The following LRRTM4 variants were observed in gnomAD, a reference collection of about 807,000 sequenced individuals.
LRRTM4 encodes the protein leucine rich repeat transmembrane neuronal 4, also known as leucine-rich repeat transmembrane neuronal protein 4.
Under a neutral mutation model 47.6 loss-of-function variants are expected in LRRTM4, and 25 were observed. That is an observed-to-expected ratio of 0.53 (90% CI 0.38 to 0.73). The LOEUF (loss-of-function observed/expected upper bound fraction) is 0.73, where lower values mean the gene tolerates loss of function less well. LRRTM4 is among the 30% of genes least tolerant of loss of function. The pLI is 0.00. For missense variants in LRRTM4, 638 were observed against 713.4 expected, an observed-to-expected ratio of 0.89 and a Z score of 1.20; for synonymous variants, 311 against 269.5, an observed-to-expected ratio of 1.15 and a Z score of -1.51.
intron 3 of LRRTM4, among the ~76,000 whole-genome samples, chr2:77,433,164 C>T (rs1675453177): frequency 6.6e-6 from 1 of 152,158 alleles, no homozygotes; most frequent in African/African-American, 2.4e-5. Context: ...TAAAACTATA[C>T]ATGCTTTTGT....
chr2:77,133,675 T>C (rs906931847), intron 3 of LRRTM4, among the ~76,000 whole-genome samples: 1 of 152,190 alleles, frequency 6.6e-6, no homozygotes, highest in Non-Finnish European at 1.5e-5. Flanking sequence ...ATGAAATAAA[T>C]AACTTATCTG....
intron 3 of LRRTM4, among the ~76,000 whole-genome samples, chr2:76,755,636 G>C (rs1322435460): frequency 6.6e-6 from 1 of 152,082 alleles, no homozygotes; most frequent in Admixed American, 6.6e-5. Flanking sequence ...GGTGTATCCA[G>C]GGCTGGTAAA....
At chr2:77,278,141 T>C (rs1259678084) in intron 3 of LRRTM4, among the ~76,000 whole-genome samples, 1 of 151,964 alleles carries the variant, frequency 6.6e-6, no homozygotes, top group African/African-American at 2.4e-5. Flanking sequence ...GGTTCAAAGC[T>C]GGGTTCTCCT....
intron 3 of LRRTM4, among the ~76,000 whole-genome samples, chr2:77,075,549 T>C (rs1045961651): frequency 6.6e-6 from 1 of 152,088 alleles, no homozygotes; most frequent in African/African-American, 2.4e-5. Context: ...GGTCTACATT[T>C]TTCTCTCATA....
At chr2:77,088,571 C>G (rs1216615268) in intron 3 of LRRTM4, among the ~76,000 whole-genome samples, 1 of 152,150 alleles carries the variant, frequency 6.6e-6, no homozygotes, top group Admixed American at 6.5e-5. Flanking sequence ...TCTCCATTCG[C>G]TGACTCTCTT....
At chr2:76,760,498 G>A (rs1246331016) in intron 3 of LRRTM4, among the ~76,000 whole-genome samples, 2 of 152,048 alleles carry the variant, frequency 1.3e-5, no homozygotes, top group Non-Finnish European at 2.9e-5. Flanking sequence ...ATAGACTGCT[G>A]GTACGTGTAG....
chr2:76,993,937 G>A (rs1300833952), intron 3 of LRRTM4, among the ~76,000 whole-genome samples: 2 of 151,818 alleles, frequency 1.3e-5, no homozygotes, highest in Non-Finnish European at 2.9e-5. Context: ...AACATAAAAT[G>A]AAAACATATT....
At chr2:77,011,185 T>G (rs1470551458) in intron 3 of LRRTM4, among the ~76,000 whole-genome samples, 1 of 152,132 alleles carries the variant, frequency 6.6e-6, no homozygotes, top group East Asian at 1.9e-4. Flanking sequence ...TTTAACACAG[T>G]TTAGCCCAAT....
At chr2:77,399,948 G>C (rs1673875499) in intron 3 of LRRTM4, among the ~76,000 whole-genome samples, 1 of 151,848 alleles carries the variant, frequency 6.6e-6, no homozygotes, top group Non-Finnish European at 1.5e-5. Flanking sequence ...CAGAAAATTT[G>C]TGTAAGGCAC....
intron 3 of LRRTM4, among the ~76,000 whole-genome samples, chr2:77,210,064 C>T (rs1674248899): frequency 6.6e-6 from 1 of 152,140 alleles, no homozygotes; most frequent in Non-Finnish European, 1.5e-5. Flanking sequence ...ATTACAATTA[C>T]AATTATACCA....
chr2:77,083,548 A>T (rs1474610263), intron 3 of LRRTM4, among the ~76,000 whole-genome samples: 1 of 152,110 alleles, frequency 6.6e-6, no homozygotes, highest in Non-Finnish European at 1.5e-5. Context: ...CTAGTCCTGA[A>T]AATATTAGAC....
chr2:76,757,679 G>GTACT (rs1673093752), intron 3 of LRRTM4, among the ~76,000 whole-genome samples: 1 of 152,052 alleles, frequency 6.6e-6, no homozygotes, highest in Admixed American at 6.6e-5. Context: ...TGCCTCCAAA[G>GTACT]TACTTACTAC....
rs527975827 is a variant in LRRTM4 at position 76,837,327 on chromosome 2, C to G, written c.1552-88411G>C. Among the ~76,000 whole-genome samples the G allele has an allele frequency of 2.3e-3, 343 of 152,156 alleles. 3 individuals are homozygous for G. Among genetic ancestry groups the G allele is most frequent in the African/African-American group, 8.2e-3 (340 of 41,522 alleles). On this transcript the variant is annotated intron_variant, in intron 3 of 3. Transcript: ENST00000409884. ...CAATTTTGTTGATCCTTTCAAAAAA[C>G]CAGCTCCTGGATTCATTAATTTTTT...
At chr2:76,882,729 T>A (rs1573252237) in intron 3 of LRRTM4, among the ~76,000 whole-genome samples, 1 of 151,652 alleles carries the variant, frequency 6.6e-6, no homozygotes, top group South Asian at 2.1e-4. Flanking sequence ...AAATGGAGGG[T>A]TCTAAATGAA....
At chr2:77,170,362 G>A (rs1673011414) in intron 3 of LRRTM4, among the ~76,000 whole-genome samples, 1 of 152,114 alleles carries the variant, frequency 6.6e-6, no homozygotes, top group Non-Finnish European at 1.5e-5. Flanking sequence ...AAATCAGCAA[G>A]AAAATGCAGA....
At chr2:76,791,842 A>ATAAGCTAGTTTCCAATATGAAAT (rs1674992372) in intron 3 of LRRTM4, among the ~76,000 whole-genome samples, 1 of 152,212 alleles carries the variant, frequency 6.6e-6, no homozygotes, top group South Asian at 2.1e-4. Context: ...AAACATTGTA[A>ATAAGCTAGTTTCCAATATGAAAT]TAAGCTAGTT....
chr2:77,176,110 T>A (rs912259342), intron 3 of LRRTM4, among the ~76,000 whole-genome samples: 2 of 152,150 alleles, frequency 1.3e-5, no homozygotes, highest in African/African-American at 4.8e-5. Flanking sequence ...TGTGTATGAA[T>A]GCTTGAGGCT....
At chr2:77,019,226 T>C (rs1678179503) in intron 3 of LRRTM4, among the ~76,000 whole-genome samples, 1 of 134,416 alleles carries the variant, frequency 7.4e-6, no homozygotes, top group African/African-American at 3.0e-5. Flanking sequence ...GAACATACTA[T>C]TGGATACTAA....
intron 3 of LRRTM4, among the ~76,000 whole-genome samples, chr2:77,003,622 G>A (rs1011266026): frequency 6.6e-6 from 1 of 152,136 alleles, no homozygotes; most frequent in East Asian, 1.9e-4. Context: ...AGAATTATGA[G>A]TTAATTAAAC....
Sources: allele counts gnomAD v4.1 joint callset (sites outside exome capture counted in the v4.1 genomes callset), GRCh38; gene constraint gnomAD v4.1.1; transcripts MANE v1.5; gene names NCBI Gene and HGNC (gene_info 2026-07-23, HGNC 2026-07-21).